The following WBP11 variants were observed in gnomAD, a reference collection of about 807,000 sequenced individuals.
WBP11 encodes the protein WW domain-binding protein 11.
In WBP11, 12 loss-of-function variants were observed where a neutral mutation model predicts 66.7. That is an observed-to-expected ratio of 0.18 (90% CI 0.12 to 0.29). The LOEUF is 0.29. WBP11 is among the 10% of genes least tolerant of loss of function. WBP11 has a pLI of 1.00. For synonymous variants in WBP11, 255 were observed against 273.8 expected, an observed-to-expected ratio of 0.93 and a Z score of 0.68; for missense variants, 555 against 818.3, an observed-to-expected ratio of 0.68 and a Z score of 3.93.
Position 14,796,764 on chromosome 12 carries a change from TATA to T in WBP11, c.387+40_387+42del. 6.4e-7 allele frequency: 1 copy of T among 1,551,562 alleles called. No homozygotes were observed. Among genetic ancestry groups the T allele is most frequent in the Non-Finnish European group, 8.7e-7 (1 of 1,153,306 alleles). On this transcript the variant is annotated intron_variant, in intron 5 of 11. Coordinates refer to ENST00000261167, the MANE Select transcript of WBP11 (RefSeq NM_016312.3). This position sits in a 1 kb window ranked among gnomAD's most constrained non-coding sequence, Gnocchi z 4.5. ...CTTTGCATAAGGGATACTCAATCTGTATAATATTTTAGTTTATCTCTCAAAAAA... is the reference window on the plus strand; with the variant it reads ...CTTTGCATAAGGGATACTCAATCTGTATATTTTAGTTTATCTCTCAAAAAA...
In WBP11 at chr12:14,795,115, G is replaced by A. The variant is rs762126002; in HGVS notation, c.388-11C>T. ...CACATGCTGAGCATTCTGAAACAGA[G>A]AACCATTCAGTAGTATGATAAAAAA... On this transcript the variant is annotated splice_polypyrimidine_tract_variant and intron_variant, in intron 5 of 11. Coordinates refer to ENST00000261167, the MANE Select transcript of WBP11 (RefSeq NM_016312.3). 2.5e-6 allele frequency: 4 copies of A among 1,588,006 alleles called. No homozygotes were observed. The South Asian group carries it at 4.6e-5, about 18-fold the overall frequency.
intron 2 of WBP11, 195 bp from the exon 3 acceptor site, chr12:14,800,978 T>C: frequency 2.0e-6 from 1 of 498,256 alleles, no homozygotes; most frequent in East Asian, 3.1e-5. Context: ...CAAGACATTT[T>C]TGTTTAATGT....
rs1388742670 is a variant in WBP11 at position 14,785,453 on chromosome 12, A to G, written c.*1612T>C. 6.6e-6 allele frequency: 1 copy of G among 152,200 alleles called. No individual in the cohort carries two copies. Among genetic ancestry groups the G allele is most frequent in the Non-Finnish European group, 1.5e-5 (1 of 68,030 alleles). The allele number at this position is 152,200 out of a possible 1,614,324, so 9.4% of individuals were successfully genotyped here. ...ATCAAGGATGGTGTCAAGGATTGAT[A>G]ACATAAGGTTCAATCCTTACATCTG... On this transcript the variant is annotated 3_prime_UTR_variant, in exon 12 of 12. Transcript: ENST00000261167.
intron 5 of WBP11, among the ~76,000 whole-genome samples, chr12:14,795,724 G>A (rs967924212): frequency 6.6e-6 from 1 of 151,594 alleles, no homozygotes; most frequent in Non-Finnish European, 1.5e-5. Flanking sequence ...AGTGAGACTC[G>A]GTCTCAAAAA....
chr12:14,799,864 T>G (rs908646301), intron 3 of WBP11, 136 bp from the exon 4 acceptor site: 5 of 767,896 alleles, frequency 6.5e-6, no homozygotes, highest in Admixed American at 6.7e-5. Flanking sequence ...GCTATGTAAT[T>G]TTTTGCCTTA....
chr12:14,798,611 T>G (rs1258429210), intron 4 of WBP11, among the ~76,000 whole-genome samples: 3 of 152,168 alleles, frequency 2.0e-5, no homozygotes. Context: ...CCAGAACTCT[T>G]AGCCAGGCTA....
rs778298649 is a variant in WBP11 at position 14,787,475 on chromosome 12, T to C, written c.1516A>G (p.Met506Val). 1 of 1,513,732 alleles carries C rather than the reference T, an allele frequency of 6.6e-7. No individual in the cohort carries two copies. The highest frequency in any genetic ancestry group is 2.2e-5 in the Admixed American group (1 of 44,696). 93.8% of individuals were successfully genotyped at this position (1,513,732 alleles called of 1,614,324 possible). The change falls in exon 12 of 12, where the codon ATG becomes GTG. Residue 506 changes from methionine to valine, a missense_variant. Physicochemically the swap from Met to Val is conservative, Grantham distance 21. This residue lies in a region of WBP11 where 230 missense variants were observed against 286.3 expected (regional missense o/e 0.80). Coordinates refer to ENST00000261167, the MANE Select transcript of WBP11 (RefSeq NM_016312.3). Reference sequence around the variant, plus strand: ...GGAGGCACCAAAGGTGGGCGCATCATGCCAGGACGAGGTGGAGGAATACCT... The same window carrying C: ...GGAGGCACCAAAGGTGGGCGCATCACGCCAGGACGAGGTGGAGGAATACCT... ...PPGIPPPRPGMMRPPLVPPLG... is the reference protein window; with the variant it reads ...PPGIPPPRPGVMRPPLVPPLG...
At position 14,785,966 on chromosome 12, in the gene WBP11, T is replaced by A. The variant is rs1949749712; in HGVS notation, c.*1099A>T. 6.6e-6 allele frequency: 1 copy of A among 152,206 alleles called. No individual in the cohort carries two copies. The highest frequency in any genetic ancestry group is 2.4e-5 in the African/African-American group (1 of 41,446). The allele number at this position is 152,206 out of a possible 1,614,324, so 9.4% of individuals were successfully genotyped here. On this transcript the variant is annotated 3_prime_UTR_variant, in exon 12 of 12. Coordinates refer to ENST00000261167, the MANE Select transcript of WBP11 (RefSeq NM_016312.3). The stretch of plus-strand genomic sequence containing the variant: ...TAACATTAAACTTACTAAGAGTTAG[T>A]CTAAATTGGTAGATGAGTTTACATT...
In WBP11 at chr12:14,790,606, A is replaced by C. The variant is rs991060072; in HGVS notation, c.1159T>G (p.Ser387Ala). The C allele has an allele frequency of 1.7e-5, 27 of 1,613,900 alleles. No homozygotes were observed. Among genetic ancestry groups the C allele is most frequent in the South Asian group, 3.3e-5 (3 of 91,078 alleles). Reference sequence around the variant, plus strand: ...TGCGGCGGAGCCTGCTGCTGTGAAGAAGCAGTGGATGTGCCATCAGAATGG... The same window carrying C: ...TGCGGCGGAGCCTGCTGCTGTGAAGCAGCAGTGGATGTGCCATCAGAATGG... ...ESHSDGTSTA[S>A]SQQQAPPQSV... is the part of the protein sequence containing the mutation. Residue 387 changes from serine to alanine, a missense_variant, in exon 10 of 12, where the codon TCT becomes GCT. Physicochemically the swap from Ser to Ala is moderately conservative, Grantham distance 99. Around this residue, in one of 6 missense-constraint regions of WBP11, gnomAD observed 230 missense variants for 286.3 expected, o/e 0.80. Coordinates refer to ENST00000261167, the MANE Select transcript of WBP11 (RefSeq NM_016312.3).
intron 5 of WBP11, 49 bp from the exon 6 acceptor site, chr12:14,795,153 CTA>C: frequency 6.7e-7 from 1 of 1,488,396 alleles, no homozygotes; most frequent in South Asian, 1.4e-5. Flanking sequence ...CATCTACTAA[CTA>C]AACACTAAAA....
At chr12:14,798,859 A>G (rs939213137) in intron 4 of WBP11, among the ~76,000 whole-genome samples, 8 of 152,328 alleles carry the variant, frequency 5.3e-5, no homozygotes, top group East Asian at 1.9e-4. Flanking sequence ...TGAAAAGCAC[A>G]TGGAAGTTAA....
chr12:14,786,072 C>T lies in WBP11; in HGVS notation c.*993G>A, dbSNP rs993313448. The T allele has an allele frequency of 2.6e-5, 4 of 152,088 alleles. No individual in the cohort carries two copies. The highest frequency in any genetic ancestry group is 6.6e-5 in the Admixed American group (1 of 15,266). 9.4% of individuals were successfully genotyped at this position (152,088 alleles called of 1,614,324 possible). A position where few individuals can be genotyped will look rare whatever the true frequency, so the allele number is the denominator to read the frequency against. On this transcript the variant is annotated 3_prime_UTR_variant, in exon 12 of 12. Transcript: ENST00000261167. The stretch of plus-strand genomic sequence containing the variant: ...TCATTCATATTTTAATATAAAAGCA[C>T]ACCAAACCCACCAATTCAGAAAGGA...
rs932647897 is a variant in WBP11 at position 14,796,728 on chromosome 12, G to A, written c.387+79C>T. On this transcript the variant is annotated intron_variant, in intron 5 of 11. Coordinates refer to ENST00000261167, the MANE Select transcript of WBP11 (RefSeq NM_016312.3). This position sits in a 1 kb window ranked among gnomAD's most constrained non-coding sequence, Gnocchi z 4.5. The stretch of plus-strand genomic sequence containing the variant: ...ACAACCCTAAATCCAAAACACTTCT[G>A]GTCCCAAGCACTTTGCATAAGGGAT... 15 of 1,326,908 alleles carry A rather than the reference G, an allele frequency of 1.1e-5. No individual in the cohort carries two copies. The highest frequency in any genetic ancestry group is 1.4e-5 in the Non-Finnish European group (14 of 983,514). The allele number at this position is 1,326,908 out of a possible 1,614,324, so 82.2% of individuals were successfully genotyped here. A position where few individuals can be genotyped will look rare whatever the true frequency, so the allele number is the denominator to read the frequency against.
chr12:14,799,599 T>C (rs750930961), intron 4 of WBP11, 36 bp downstream of exon 4: 35 of 1,598,948 alleles, frequency 2.2e-5, no homozygotes, highest in Non-Finnish European at 2.8e-5. Flanking sequence ...TCTGTACGTG[T>C]CAGACTGTTA....
chr12:14,791,304 G>A (rs1949818899), intron 8 of WBP11, 34 bp from the exon 9 acceptor site: 11 of 1,586,560 alleles, frequency 6.9e-6, no homozygotes, highest in African/African-American at 1.3e-5. Context: ...GAGTAGATTG[G>A]CATCAACAAA....
intron 10 of WBP11, 71 bp downstream of exon 10, chr12:14,790,385 C>T: frequency 6.5e-7 from 1 of 1,530,026 alleles, no homozygotes; most frequent in Non-Finnish European, 8.9e-7. Flanking sequence ...ACACTAACAA[C>T]ACATAGTATT....
intron 10 of WBP11, among the ~76,000 whole-genome samples, chr12:14,789,869 A>G (rs1949801330): frequency 6.6e-6 from 1 of 152,274 alleles, no homozygotes; most frequent in Non-Finnish European, 1.5e-5. Context: ...GAAAATGATT[A>G]GCTCAACTGA....
chr12:14,793,540 T>G (rs189811482), intron 8 of WBP11, among the ~76,000 whole-genome samples, 191 bp downstream of exon 8: 1 of 152,314 alleles, frequency 6.6e-6, no homozygotes, highest in East Asian at 1.9e-4. Flanking sequence ...GTTTAATGCT[T>G]TTCCTCATAA....
At chr12:14,788,547 T>C (rs951530834) in intron 11 of WBP11, among the ~76,000 whole-genome samples, 1 of 152,030 alleles carries the variant, frequency 6.6e-6, no homozygotes, top group South Asian at 2.1e-4. Context: ...CATTTCAGTG[T>C]TGTAAACTAG....
Sources: allele counts gnomAD v4.1 joint callset (sites outside exome capture counted in the v4.1 genomes callset), GRCh38; gene constraint gnomAD v4.1.1; regional missense constraint gnomAD v4.1.1; non-coding constraint Gnocchi (gnomAD v3.1); transcripts MANE v1.5; gene names NCBI Gene and HGNC (gene_info 2026-07-23, HGNC 2026-07-21).